PDE10A: variants seen among roughly 807,000 people sequenced by gnomAD.
PDE10A encodes phosphodiesterase 10A.
A neutral mutation model predicts 97.7 loss-of-function variants in PDE10A; 39 were observed. The observed-to-expected ratio is 0.40, with a 90% CI of 0.31 to 0.52. The LOEUF (loss-of-function observed/expected upper bound fraction) is 0.52, where lower values mean the gene tolerates loss of function less well. Among genes scored for constraint, PDE10A ranks in the 20% least tolerant of loss-of-function variants. The probability of loss-of-function intolerance (pLI) is 0.56; values close to 1 mark genes in which losing one functional copy is unlikely to be tolerated. For missense variants in PDE10A, 731 were observed against 1,047.8 expected, an observed-to-expected ratio of 0.70 and a Z score of 4.17; for synonymous variants, 371 against 376.8, an observed-to-expected ratio of 0.98 and a Z score of 0.18.
At chr6:165,834,397 G>A (rs1780014103) in intron 1 of PDE10A, among the ~76,000 whole-genome samples, 1 of 152,230 alleles carries the variant, frequency 6.6e-6, no homozygotes, top group African/African-American at 2.4e-5. Context: ...GCAGCCTGGG[G>A]GTGACGCTGG....
In PDE10A at chr6:165,392,632, G is replaced by C; in HGVS notation, c.2454+14C>G. On this transcript the variant is annotated intron_variant, in intron 16 of 21. Coordinates refer to ENST00000539869, the MANE Select transcript of PDE10A (RefSeq NM_001385079.1). ...TGAGGTTACGAGAAACAGAGGTAAA[G>C]AGTGCACACCCACCTCAAGGTCTGT... 6.2e-7 allele frequency: 1 copy of C among 1,609,354 alleles called. No homozygotes were observed. The highest frequency in any genetic ancestry group is 8.5e-7 in the Non-Finnish European group (1 of 1,175,880).
intron 2 of PDE10A, among the ~76,000 whole-genome samples, chr6:165,514,127 C>T (rs1376751962): frequency 3.9e-5 from 6 of 152,140 alleles, no homozygotes; most frequent in African/African-American, 1.2e-4. Flanking sequence ...CTTTGTATTT[C>T]TGATATAAAT....
intron 15 of PDE10A, 88 bp downstream of exon 15, chr6:165,395,093 C>A: frequency 6.9e-6 from 5 of 729,104 alleles, no homozygotes; most frequent in African/African-American, 1.8e-5. Flanking sequence ...TAATTACAAA[C>A]AAAGATCGTG....
chr6:165,597,771 G>A (rs565708957), intron 1 of PDE10A, among the ~76,000 whole-genome samples: 8 of 152,300 alleles, frequency 5.3e-5, no homozygotes, highest in East Asian at 3.9e-4. Context: ...GAGAAAAGCC[G>A]GATGATACCA....
intron 1 of PDE10A, among the ~76,000 whole-genome samples, chr6:165,572,954 A>C (rs1399404704): frequency 2.6e-5 from 4 of 152,250 alleles, no homozygotes; most frequent in Non-Finnish European, 5.9e-5. Flanking sequence ...ACTAGCGTTC[A>C]CGTTAAAATT....
At chr6:165,531,028 A>G (rs968653633) in intron 2 of PDE10A, among the ~76,000 whole-genome samples, 1 of 151,970 alleles carries the variant, frequency 6.6e-6, no homozygotes, top group African/African-American at 2.4e-5. Context: ...CCTCCTCTAC[A>G]TGGGAGCCTT....
intron 1 of PDE10A, among the ~76,000 whole-genome samples, chr6:165,735,853 T>G (rs1792563300): frequency 6.6e-6 from 1 of 152,222 alleles, no homozygotes; most frequent in Non-Finnish European, 1.5e-5. Flanking sequence ...CACATAAAAT[T>G]AACTGTCACA....
At chr6:165,912,136 C>T (rs535978037) in intron 1 of PDE10A, among the ~76,000 whole-genome samples, 3 of 152,072 alleles carry the variant, frequency 2.0e-5, no homozygotes, top group African/African-American at 7.2e-5. Flanking sequence ...TGTCTATAAC[C>T]TATTATCTAT....
At chr6:165,550,891 G>A (rs1236632383) in intron 1 of PDE10A, among the ~76,000 whole-genome samples, 1 of 152,132 alleles carries the variant, frequency 6.6e-6, no homozygotes, top group Non-Finnish European at 1.5e-5. Context: ...TATTTTCCAA[G>A]CACCAAGAGA....
At chr6:165,565,643 C>T (rs1448210483) in intron 1 of PDE10A, among the ~76,000 whole-genome samples, 1 of 152,030 alleles carries the variant, frequency 6.6e-6, no homozygotes, top group South Asian at 2.1e-4. Context: ...AAGAGAACAA[C>T]AAAGTTCGAG....
intron 1 of PDE10A, among the ~76,000 whole-genome samples, chr6:165,618,275 G>C (rs1390115842): frequency 1.3e-5 from 2 of 152,002 alleles, no homozygotes; most frequent in African/African-American, 4.8e-5. Context: ...AATGTAACAA[G>C]AATTTAACTT....
At chr6:165,526,155 G>A (rs900509829) in intron 2 of PDE10A, among the ~76,000 whole-genome samples, 15 of 152,174 alleles carry the variant, frequency 9.9e-5, no homozygotes, top group African/African-American at 3.6e-4. Flanking sequence ...GTGTACTGGG[G>A]AAAGGAAATG....
chr6:165,438,225 G>C (rs943088405), intron 5 of PDE10A, among the ~76,000 whole-genome samples: 1 of 151,558 alleles, frequency 6.6e-6, no homozygotes, highest in African/African-American at 2.4e-5. Context: ...TTTCACTCTT[G>C]TTGCCCAGGC....
At chr6:165,910,526 G>A (rs1184751381) in intron 1 of PDE10A, among the ~76,000 whole-genome samples, 1 of 152,102 alleles carries the variant, frequency 6.6e-6, no homozygotes, top group African/African-American at 2.4e-5. Context: ...ATAATTGAAA[G>A]TTTCTTTTAA....
intron 2 of PDE10A, among the ~76,000 whole-genome samples, chr6:165,496,846 A>C (rs750315269): frequency 1.3e-5 from 2 of 152,250 alleles, no homozygotes; most frequent in Admixed American, 6.5e-5. Context: ...CTAACTATTA[A>C]ATACAGTTTC....
intron 2 of PDE10A, among the ~76,000 whole-genome samples, chr6:165,532,748 T>C (rs969443960): frequency 2.0e-5 from 3 of 152,168 alleles, no homozygotes; most frequent in African/African-American, 7.2e-5. Flanking sequence ...GGGATCACAC[T>C]AGTATCAGCG....
intron 1 of PDE10A, among the ~76,000 whole-genome samples, chr6:165,794,103 T>A (rs752994210): frequency 1.2e-4 from 15 of 129,592 alleles, no homozygotes; most frequent in Non-Finnish European, 1.9e-4. Flanking sequence ...TGCAACATGG[T>A]TCTACGCAGG....
intron 1 of PDE10A, among the ~76,000 whole-genome samples, chr6:165,720,035 G>A (rs573195145): frequency 3.9e-5 from 6 of 152,318 alleles, no homozygotes; most frequent in South Asian, 2.1e-4. Context: ...TCCCTGTTCC[G>A]TAACAGGCGC....
rs1429515446 is a variant in PDE10A, at chr6:165,332,005, C to T, written c.*1020G>A. 6.6e-6 allele frequency: 1 copy of T among 152,112 alleles called. No homozygotes were observed. The highest frequency in any genetic ancestry group is 1.9e-4 in the East Asian group (1 of 5,196). The allele number at this position is 152,112 out of a possible 1,614,324, so 9.4% of individuals were successfully genotyped here. On this transcript the variant is annotated 3_prime_UTR_variant, in exon 22 of 22. Transcript: ENST00000539869. ...CAGGTCAGAGTAAAATTACAAAATA[C>T]ACTTTTTATGGTTTGATGTTTAAAA...
Sources: allele counts gnomAD v4.1 joint callset (sites outside exome capture counted in the v4.1 genomes callset), GRCh38; gene constraint gnomAD v4.1.1; transcripts MANE v1.5; gene names NCBI Gene and HGNC (gene_info 2026-07-23, HGNC 2026-07-21).